CNTN2: variants seen among roughly 807,000 people sequenced by gnomAD.
CNTN2 encodes contactin 2.
CNTN2 carries 53 observed loss-of-function variants against 117.5 expected under a neutral mutation model. That is an observed-to-expected ratio of 0.45 (90% CI 0.36 to 0.57). The LOEUF is 0.57. CNTN2 is among the 20% of genes least tolerant of loss of function. The probability of loss-of-function intolerance (pLI) is 0.00; values close to 1 mark genes in which losing one functional copy is unlikely to be tolerated. For missense variants in CNTN2, 1,106 were observed against 1,404.3 expected (o/e 0.79, Z 3.39); for synonymous variants, 530 against 561.7 (o/e 0.94, Z 0.80).
Position 205,075,926 on chromosome 1 carries a change from T to A in CNTN2, c.*2161T>A, listed in dbSNP as rs1458064980. On this transcript the variant is annotated 3_prime_UTR_variant, in exon 23 of 23. Transcript: ENST00000331830. ...GCTGAACAAAACCTCCTTCCAAGTT[T>A]TATCCAATTCGTTCCTCATTGCCTC... The A allele has an allele frequency of 1.3e-5, 2 of 152,268 alleles. No individual in the cohort carries two copies. The highest frequency in any genetic ancestry group is 2.4e-5 in the African/African-American group (1 of 41,462). The allele number at this position is 152,268 out of a possible 1,614,324, so 9.4% of individuals were successfully genotyped here. A position where few individuals can be genotyped will look rare whatever the true frequency, so the allele number is the denominator to read the frequency against.
chr1:205,049,280 C>CAACACACACA, intron 1 of CNTN2, among the ~76,000 whole-genome samples: 1 of 120,800 alleles, frequency 8.3e-6, no homozygotes, highest in African/African-American at 3.3e-5. Context: ...TCCTCACACC[C>CAACACACACA]GACACACACA....
chr1:205,067,890 T>C lies in CNTN2; in HGVS notation c.2125+640T>C, dbSNP rs191218659. 89 of 122,452 alleles carry C rather than the reference T, an allele frequency of 7.3e-4. 2 individuals carry two copies. The East Asian group carries it at 0.018, about 24-fold the overall frequency. 7.6% of individuals were successfully genotyped at this position (122,452 alleles called of 1,614,324 possible). On this transcript the variant is annotated intron_variant, in intron 16 of 22. Transcript: ENST00000331830. ...TTGCAGTGAGCCAAGATTGTACCAC[T>C]GCACTCCATCCTGGGCGACAGAGCG...
chr1:205,063,920 C>T (rs1252726554), intron 10 of CNTN2, among the ~76,000 whole-genome samples: 1 of 151,784 alleles, frequency 6.6e-6, no homozygotes, highest in African/African-American at 2.4e-5. Context: ...AAAAAAAAGG[C>T]TAGGTGATTG....
chr1:205,076,392 G>A lies in CNTN2; in HGVS notation c.*2627G>A, dbSNP rs1350124838. ...ACATGAGCTTGCTTGCAGAAGACTA[G>A]ATTAGATGTTTCTCAGGATCCCCTC... On this transcript the variant is annotated 3_prime_UTR_variant, in exon 23 of 23. Transcript: ENST00000331830. 1 of 152,206 alleles carries A rather than the reference G, an allele frequency of 6.6e-6. No homozygotes were observed. The highest frequency in any genetic ancestry group is 6.5e-5 in the Admixed American group (1 of 15,280). The allele number at this position is 152,206 out of a possible 1,614,324, so 9.4% of individuals were successfully genotyped here.
rs1332573662 is a variant in CNTN2 at position 205,059,140 on chromosome 1, C to T, written c.544C>T (p.Arg182Cys). 3.7e-6 allele frequency: 6 copies of T among 1,614,214 alleles called. No individual in the cohort carries two copies. The highest frequency in any genetic ancestry group is 2.2e-5 in the East Asian group (1 of 44,866). ...CCCCAACTTCATCCCGACGGACGGG[C>T]GTCACTTCGTGTCCCAGACCACAGG... is the stretch of plus-strand genomic sequence containing the variant. ...EFPNFIPTDG[R>C]HFVSQTTGNL... The change falls in exon 6 of 23, where the codon CGT becomes TGT. Residue 182 changes from arginine (R) to cysteine (C), a missense_variant. Arg to Cys is a radical substitution (Grantham distance 180, BLOSUM62 -3). Coordinates refer to ENST00000331830, the MANE Select transcript of CNTN2 (RefSeq NM_005076.5). The surrounding 1 kb of genome is among the most constrained non-coding windows in gnomAD (Gnocchi z 5.6).
At chr1:205,044,934 A>C (rs1314276450) in intron 1 of CNTN2, among the ~76,000 whole-genome samples, 1 of 152,204 alleles carries the variant, frequency 6.6e-6, no homozygotes, top group Non-Finnish European at 1.5e-5. Flanking sequence ...GCCAAGCTGC[A>C]GAACCATGGA....
rs17415927 is a variant in CNTN2 at position 205,051,808 on chromosome 1, C to T, written c.-86-1292C>T. 7.1e-3 allele frequency among the ~76,000 whole-genome samples: 1,079 copies of T among 152,294 alleles called. 8 individuals are homozygous for T. Among genetic ancestry groups the T allele is most frequent in the Middle Eastern group, 0.024 (7 of 294 alleles). On this transcript the variant is annotated intron_variant, in intron 1 of 22. Transcript: ENST00000331830. The stretch of plus-strand genomic sequence containing the variant: ...TTGAAAGGGTTTGGGAGCTCTCTTC[C>T]TGAGAAAATAGAGTGTGATGTGAGA...
At chr1:205,054,967 G>C (rs745394600) in intron 2 of CNTN2, among the ~76,000 whole-genome samples, 1 of 152,148 alleles carries the variant, frequency 6.6e-6, no homozygotes, top group Non-Finnish European at 1.5e-5. Context: ...AGGAAGGGCT[G>C]GCCTCGCCTG....
At position 205,075,050 on chromosome 1, in the gene CNTN2, T is replaced by C; in HGVS notation, c.*1285T>C. Reference sequence around the variant, plus strand: ...GCCCCTCACTTTACAGATGAGGAAATGGAGGTGGTCCAGAGAGGGTCTGGG... The same window carrying C: ...GCCCCTCACTTTACAGATGAGGAAACGGAGGTGGTCCAGAGAGGGTCTGGG... On this transcript the variant is annotated 3_prime_UTR_variant, in exon 23 of 23. Coordinates refer to ENST00000331830, the MANE Select transcript of CNTN2 (RefSeq NM_005076.5). 2.5e-6 allele frequency: 1 copy of C among 396,900 alleles called. No homozygotes were observed. Among genetic ancestry groups the C allele is most frequent in the Admixed American group, 4.4e-5 (1 of 22,676 alleles). 24.6% of individuals were successfully genotyped at this position (396,900 alleles called of 1,614,324 possible).
At chr1:205,053,619 C>T (rs1247090978) in intron 2 of CNTN2, among the ~76,000 whole-genome samples, 2 of 152,180 alleles carry the variant, frequency 1.3e-5, no homozygotes, top group Non-Finnish European at 2.9e-5. Context: ...CATGGGACTA[C>T]TACAACTCAG....
At position 205,067,207 on chromosome 1, in the gene CNTN2, G is replaced by A. The variant is rs1411395509; in HGVS notation, c.2082G>A (p.Gly694=). ...TAGCCAGCAACATTCTGGGCACTGGGGAGCCTAGTGGGCCCTCCAGCAAAA... is the reference window on the plus strand; with the variant it reads ...TAGCCAGCAACATTCTGGGCACTGGAGAGCCTAGTGGGCCCTCCAGCAAAA... ...RVIASNILGT[G]EPSGPSSKIR... is the part of the protein sequence containing the mutation. The change falls in exon 16 of 23, where the codon GGG becomes GGA. Residue 694 remains glycine, a synonymous_variant. Transcript: ENST00000331830. 6.2e-7 allele frequency: 1 copy of A among 1,614,066 alleles called. No individual in the cohort carries two copies. Among genetic ancestry groups the A allele is most frequent in the Non-Finnish European group, 8.5e-7 (1 of 1,179,972 alleles).
intron 2 of CNTN2, among the ~76,000 whole-genome samples, chr1:205,056,528 C>T (rs1237188847): frequency 6.6e-6 from 1 of 152,202 alleles, no homozygotes; most frequent in African/African-American, 2.4e-5. Context: ...TCCCAGGGGG[C>T]CAAGGCTGGG....
chr1:205,056,015 TAGGG>T (rs1256303731), intron 2 of CNTN2, among the ~76,000 whole-genome samples: 4 of 152,028 alleles, frequency 2.6e-5, no homozygotes, highest in African/African-American at 9.7e-5. Flanking sequence ...TTGAGCAGCT[TAGGG>T]AGGTGCATAT....
chr1:205,074,306 A>G lies in CNTN2; in HGVS notation c.*541A>G. 2.5e-6 allele frequency: 1 copy of G among 402,694 alleles called. No homozygotes were observed. 24.9% of individuals were successfully genotyped at this position (402,694 alleles called of 1,614,324 possible). ...CAAGGACCCTGACGCTGTCCCCGAT[A>G]ACTCCCTAGGGGCTCCTGCCTGCCC... On this transcript the variant is annotated 3_prime_UTR_variant, in exon 23 of 23. Transcript: ENST00000331830.
intron 18 of CNTN2, 128 bp from the exon 19 acceptor site, chr1:205,070,298 C>T: frequency 1.4e-6 from 1 of 722,526 alleles, no homozygotes; most frequent in Non-Finnish European, 2.3e-6. Context: ...GCTTGGGGGG[C>T]TCCCACTCGG....
Position 205,066,553 on chromosome 1 carries a change from G to A in CNTN2, c.1929G>A (p.Leu643=). Residue 643 remains leucine, a synonymous_variant, in exon 15 of 23, where the codon CTG becomes CTA. Coordinates refer to ENST00000331830, the MANE Select transcript of CNTN2 (RefSeq NM_005076.5). ...ACAGCCCCATCGCTAAGTACACCCT[G>A]CAAGCTCGCACTCCACCTGCAGGGA... The part of the protein sequence containing the change: ...DNHSPIAKYT[L]QARTPPAGKW... 1 of 1,614,050 alleles carries A rather than the reference G, an allele frequency of 6.2e-7. No individual in the cohort carries two copies. Among genetic ancestry groups the A allele is most frequent in the African/African-American group, 1.3e-5 (1 of 75,048 alleles).
At chr1:205,060,726 A>G (rs11240345) in intron 7 of CNTN2, 50,636 of 148,646 alleles carry the variant, frequency 0.34, 11,959 homozygotes, top group Non-Finnish European at 0.51. Flanking sequence ...AAAAAAAAAA[A>G]AAAAAAAAGA....
In CNTN2 at chr1:205,066,572, G is replaced by T. The variant is rs143193781; in HGVS notation, c.1948G>T (p.Ala650Ser). 6.2e-7 allele frequency: 1 copy of T among 1,614,046 alleles called. No individual in the cohort carries two copies. The highest frequency in any genetic ancestry group is 8.5e-7 in the Non-Finnish European group (1 of 1,180,004). Residue 650 changes from alanine to serine, a missense_variant, in exon 15 of 23, where the codon GCA becomes TCA. Transcript: ENST00000331830. Reference sequence around the variant, plus strand: ...CACCCTGCAAGCTCGCACTCCACCTGCAGGGAAGTGGAAGCAGGTTCGGAC... The same window carrying T: ...CACCCTGCAAGCTCGCACTCCACCTTCAGGGAAGTGGAAGCAGGTTCGGAC... ...KYTLQARTPP[A>S]GKWKQVRTNP... is the part of the protein sequence containing the mutation.
rs1291917994 is a variant in CNTN2, at chr1:205,067,376, CA to C, written c.2125+130del. The C allele has an allele frequency of 5.8e-6, 7 of 1,201,524 alleles. No homozygotes were observed. In the African/African-American group the frequency reaches 1.1e-4, roughly 18 times the overall value. 74.4% of individuals were successfully genotyped at this position (1,201,524 alleles called of 1,614,324 possible). ...CCTGCTCACAGGGTTCAGACTCTCA[CA>C]AAACAGAGGAGGACAGAACACCAAG... On this transcript the variant is annotated intron_variant, in intron 16 of 22. Transcript: ENST00000331830.
Sources: allele counts gnomAD v4.1 joint callset (sites outside exome capture counted in the v4.1 genomes callset), GRCh38; gene constraint gnomAD v4.1.1; non-coding constraint Gnocchi (gnomAD v3.1); transcripts MANE v1.5; gene names NCBI Gene and HGNC (gene_info 2026-07-23, HGNC 2026-07-21).